GRIP1: variants seen among roughly 807,000 people sequenced by gnomAD.
GRIP1 encodes glutamate receptor interacting protein 1.
GRIP1 carries 45 observed loss-of-function variants against 129.9 expected under a neutral mutation model. The ratio of observed to expected loss-of-function variants is 0.35; its 90% confidence interval spans 0.27 to 0.44. The LOEUF (loss-of-function observed/expected upper bound fraction) is 0.44. Among genes scored for constraint, GRIP1 ranks in the 20% least tolerant of loss-of-function variants. The pLI, the probability that GRIP1 is intolerant of heterozygous loss-of-function variation, is 1.00. For synonymous variants in GRIP1, 530 were observed against 520.8 expected (o/e 1.02, Z -0.24); for missense variants, 1,196 against 1,396.8 (o/e 0.86, Z 2.29).
intron 2 of GRIP1, among the ~76,000 whole-genome samples, chr12:66,592,381 T>C (rs942810132): frequency 6.6e-6 from 1 of 152,206 alleles, no homozygotes; most frequent in African/African-American, 2.4e-5. Context: ...TGATGTAAAC[T>C]GTACTCCCTT....
chr12:66,771,905 C>T (rs1208422202), intron 1 of GRIP1, among the ~76,000 whole-genome samples: 1 of 152,124 alleles, frequency 6.6e-6, no homozygotes, highest in Non-Finnish European at 1.5e-5. Context: ...AAGTTTTCAA[C>T]ATATTAAAAC....
intron 1 of GRIP1, among the ~76,000 whole-genome samples, chr12:66,775,976 A>T (rs769301393): frequency 1.3e-5 from 2 of 152,232 alleles, no homozygotes; most frequent in Non-Finnish European, 2.9e-5. Context: ...ATTTGTTACT[A>T]TCTCCAGGGA....
At chr12:66,771,382 A>T (rs2037813035) in intron 1 of GRIP1, among the ~76,000 whole-genome samples, 1 of 152,222 alleles carries the variant, frequency 6.6e-6, no homozygotes. Flanking sequence ...AGCCATAATC[A>T]TACAAGACCT....
chr12:66,450,025 G>T (rs2058734324), intron 11 of GRIP1, among the ~76,000 whole-genome samples: 1 of 152,040 alleles, frequency 6.6e-6, no homozygotes, highest in Non-Finnish European at 1.5e-5. Context: ...CAAGAGCCGG[G>T]CGCGGTGGCT....
At chr12:66,552,893 T>C (rs1829504181) in intron 2 of GRIP1, among the ~76,000 whole-genome samples, 1 of 152,178 alleles carries the variant, frequency 6.6e-6, no homozygotes, top group Non-Finnish European at 1.5e-5. Flanking sequence ...GGGAGCCCTA[T>C]GGACTTTCCA....
chr12:66,523,289 G>A (rs1429298935), intron 5 of GRIP1, among the ~76,000 whole-genome samples: 1 of 150,308 alleles, frequency 6.7e-6, no homozygotes, highest in Non-Finnish European at 1.5e-5. Context: ...GAAAGGTCGG[G>A]TTACCCACAA....
intron 1 of GRIP1, among the ~76,000 whole-genome samples, chr12:66,919,515 T>C (rs1373497329): frequency 6.6e-6 from 1 of 152,228 alleles, no homozygotes; most frequent in African/African-American, 2.4e-5. Context: ...TTTTCTAGAC[T>C]ACACGGGGAC....
intron 1 of GRIP1, among the ~76,000 whole-genome samples, chr12:66,896,818 A>G (rs566841496): frequency 6.6e-6 from 1 of 152,372 alleles, no homozygotes; most frequent in African/African-American, 2.4e-5. Flanking sequence ...TCACGAAACA[A>G]GAATTAAGAA....
intron 2 of GRIP1, among the ~76,000 whole-genome samples, chr12:66,594,067 CAAAAAAA>C (rs10661389): frequency 9.4e-5 from 5 of 52,930 alleles, no homozygotes; most frequent in African/African-American, 3.5e-4. Context: ...GACTCCGTCT[CAAAAAAA>C]AAAAAAAAAA....
intron 1 of GRIP1, among the ~76,000 whole-genome samples, chr12:66,959,490 T>G (rs1375474917): frequency 1.3e-5 from 2 of 152,188 alleles, no homozygotes; most frequent in Non-Finnish European, 2.9e-5. Flanking sequence ...TTTGTCAGGT[T>G]TAATTTATGA....
intron 7 of GRIP1, among the ~76,000 whole-genome samples, chr12:66,509,808 GA>G (rs2060642569): frequency 6.6e-6 from 1 of 152,228 alleles, no homozygotes; most frequent in African/African-American, 2.4e-5. Flanking sequence ...GGGGGCAGGG[GA>G]AGGGAGAGCA....
At position 66,942,637 on chromosome 12, in the gene GRIP1, G is replaced by C. The variant is rs2137453993; in HGVS notation, c.58+126413C>G. Among the ~76,000 whole-genome samples, 4 of 152,308 alleles carry C rather than the reference G, an allele frequency of 2.6e-5. 2 individuals are homozygous for C. Among genetic ancestry groups the C allele is most frequent in the Admixed American group, 2.6e-4 (4 of 15,300 alleles). Reference sequence around the variant, plus strand: ...AAGGGCGTTTCAGAATAAGCAGTGTGTGCTATGATACTGAAGACTTCAATT... The same window carrying C: ...AAGGGCGTTTCAGAATAAGCAGTGTCTGCTATGATACTGAAGACTTCAATT... On this transcript the variant is annotated intron_variant, in intron 1 of 1. Coordinates refer to the GRIP1 transcript ENST00000643019.
At chr12:66,835,349 C>T (rs1202866231) in intron 1 of GRIP1, among the ~76,000 whole-genome samples, 2 of 152,146 alleles carry the variant, frequency 1.3e-5, no homozygotes, top group East Asian at 1.9e-4. Context: ...AAGTTGAAAA[C>T]TTATGTTCAC....
intron 15 of GRIP1, 56 bp downstream of exon 15, chr12:66,420,664 T>G: frequency 1.1e-6 from 1 of 945,614 alleles, no homozygotes; most frequent in Non-Finnish European, 1.8e-6. Context: ...GAAGGTGTCA[T>G]GTTTACTTAA....
intron 9 of GRIP1, 67 bp downstream of exon 9, chr12:66,462,857 A>G: frequency 1.6e-6 from 2 of 1,225,458 alleles, no homozygotes; most frequent in Non-Finnish European, 2.4e-6. Flanking sequence ...TCTGCTGTCT[A>G]ACTCTGCTAG....
In GRIP1 at chr12:66,823,634, T is replaced by C. The variant is rs141820329; in HGVS notation, c.59-226707A>G. 2.9e-4 allele frequency among the ~76,000 whole-genome samples: 44 copies of C among 152,242 alleles called. No homozygotes were observed. The East Asian group carries it at 8.1e-3, about 28-fold the overall frequency. On this transcript the variant is annotated intron_variant, in intron 1 of 1. Coordinates refer to the GRIP1 transcript ENST00000643019. Reference sequence around the variant, plus strand: ...GATAAAAAAAATCAGAGACATTTAATAGAAGCAATATTGGAAATCAAGAAT... The same window carrying C: ...GATAAAAAAAATCAGAGACATTTAACAGAAGCAATATTGGAAATCAAGAAT...
At chr12:66,726,534 T>A (rs901957408) in intron 1 of GRIP1, among the ~76,000 whole-genome samples, 3 of 152,168 alleles carry the variant, frequency 2.0e-5, no homozygotes, top group Non-Finnish European at 4.4e-5. Context: ...TTAATTCTTG[T>A]TTCGCCCATT....
chr12:66,739,582 G>A (rs1350550693), intron 1 of GRIP1, among the ~76,000 whole-genome samples: 1 of 151,980 alleles, frequency 6.6e-6, no homozygotes, highest in East Asian at 1.9e-4. Context: ...TGGTGCGGGG[G>A]CAGGGAAGTG....
intron 4 of GRIP1, among the ~76,000 whole-genome samples, chr12:66,538,401 G>T (rs2061672033): frequency 6.6e-6 from 1 of 150,962 alleles, no homozygotes; most frequent in South Asian, 2.1e-4. Context: ...TCATTTTGTT[G>T]CCCAGGCTGG....
Sources: allele counts gnomAD v4.1 joint callset (sites outside exome capture counted in the v4.1 genomes callset), GRCh38; gene constraint gnomAD v4.1.1; transcripts MANE v1.5; gene names NCBI Gene and HGNC (gene_info 2026-07-23, HGNC 2026-07-21).